SLC25A21: variants seen among roughly 807,000 people sequenced by gnomAD.
The protein encoded by SLC25A21 is mitochondrial 2-oxodicarboxylate carrier.
SLC25A21 carries 47 observed loss-of-function variants against 43.8 expected under a neutral mutation model. That is an observed-to-expected ratio of 1.07 (90% CI 0.85 to 1.37). The LOEUF (loss-of-function observed/expected upper bound fraction) is 1.37. Among genes scored for constraint, SLC25A21 ranks in the 40% most tolerant of loss-of-function variants. The probability of loss-of-function intolerance (pLI) is 0.00; values close to 1 mark genes in which losing one functional copy is unlikely to be tolerated. For synonymous variants in SLC25A21, 131 were observed against 121.3 expected (o/e 1.08, Z -0.52); for missense variants, 352 against 350.2 (o/e 1.00, Z -0.04).
At chr14:36,849,615 T>C (rs964178259) in intron 2 of SLC25A21, among the ~76,000 whole-genome samples, 7 of 152,192 alleles carry the variant, frequency 4.6e-5, no homozygotes, top group African/African-American at 1.7e-4. Flanking sequence ...AGACACAAAA[T>C]GCTTAGCTAA....
intron 1 of SLC25A21, among the ~76,000 whole-genome samples, chr14:37,123,052 C>T (rs561817033): frequency 2.0e-5 from 3 of 152,144 alleles, no homozygotes; most frequent in Admixed American, 6.6e-5. Flanking sequence ...CACAGATAAG[C>T]GGAAATTACT....
At position 37,000,831 on chromosome 14, in the gene SLC25A21, G is replaced by C. The variant is rs180685545; in HGVS notation, c.71-125827C>G. On this transcript the variant is annotated intron_variant, in intron 1 of 9. Coordinates refer to ENST00000331299, the MANE Select transcript of SLC25A21 (RefSeq NM_030631.4). ...CTCGCTCTCCCTGCTCCCATGTGAA[G>C]AAGGTGCTTGCTTCCCCTTTGCCAT... Among the ~76,000 whole-genome samples, 5 of 152,070 alleles carry C rather than the reference G, an allele frequency of 3.3e-5. No homozygotes were observed. The South Asian group carries it at 6.2e-4, about 19-fold the overall frequency.
At chr14:36,739,702 G>A (rs1402552852) in intron 3 of SLC25A21, among the ~76,000 whole-genome samples, 1 of 151,442 alleles carries the variant, frequency 6.6e-6, no homozygotes, top group African/African-American at 2.4e-5. Context: ...AAAAAAAAGA[G>A]GCACACCAGG....
intron 3 of SLC25A21, among the ~76,000 whole-genome samples, chr14:36,766,028 C>T (rs970444277): frequency 2.4e-5 from 3 of 122,962 alleles, no homozygotes; most frequent in Non-Finnish European, 5.1e-5. Context: ...AAGTCATTCC[C>T]TTCTTTTTTT....
At chr14:36,700,821 C>G (rs1883249397) in intron 7 of SLC25A21, among the ~76,000 whole-genome samples, 1 of 152,136 alleles carries the variant, frequency 6.6e-6, no homozygotes, top group Admixed American at 6.6e-5. Flanking sequence ...ACAAAGGAGG[C>G]AGATACACAC....
chr14:37,006,293 C>T lies in SLC25A21; in HGVS notation c.71-131289G>A, dbSNP rs574271302. Reference sequence around the variant, plus strand: ...ATTAATAATAGAATGGTCATTGGCACCCTTTTCTTAACTTTTTATAATATT... The same window carrying T: ...ATTAATAATAGAATGGTCATTGGCATCCTTTTCTTAACTTTTTATAATATT... On this transcript the variant is annotated intron_variant, in intron 1 of 9. Coordinates refer to ENST00000331299, the MANE Select transcript of SLC25A21 (RefSeq NM_030631.4). Among the ~76,000 whole-genome samples, 33 of 152,106 alleles carry T rather than the reference C, an allele frequency of 2.2e-4. No individual in the cohort carries two copies. The South Asian group carries it at 2.3e-3, about 11-fold the overall frequency.
chr14:36,883,443 T>C (rs1424323691), intron 1 of SLC25A21, among the ~76,000 whole-genome samples: 2 of 152,208 alleles, frequency 1.3e-5, no homozygotes, highest in Non-Finnish European at 2.9e-5. Flanking sequence ...GATAAATGTC[T>C]TCACGCTGCT....
At chr14:36,734,911 C>A (rs1321475053) in intron 3 of SLC25A21, among the ~76,000 whole-genome samples, 1 of 152,118 alleles carries the variant, frequency 6.6e-6, no homozygotes, top group East Asian at 1.9e-4. Context: ...TATCTACAGT[C>A]CTGCATTTCC....
chr14:36,941,306 G>A (rs1419077811), intron 1 of SLC25A21, among the ~76,000 whole-genome samples: 1 of 151,966 alleles, frequency 6.6e-6, no homozygotes, highest in Non-Finnish European at 1.5e-5. Flanking sequence ...AACATTTTGT[G>A]GCTTCCATCA....
chr14:36,711,485 G>A lies in SLC25A21; in HGVS notation c.439-3C>T, dbSNP rs752096486. 1 of 1,612,584 alleles carries A rather than the reference G, an allele frequency of 6.2e-7. No homozygotes were observed. The highest frequency in any genetic ancestry group is 8.5e-7 in the Non-Finnish European group (1 of 1,179,512). On this transcript the variant is annotated splice_region_variant and splice_polypyrimidine_tract_variant and intron_variant, in intron 6 of 9. Coordinates refer to ENST00000331299, the MANE Select transcript of SLC25A21 (RefSeq NM_030631.4). The stretch of plus-strand genomic sequence containing the variant: ...GCATAACCCACAGTGGATGGTTGCT[G>A]CAGAAGAGAGAAGCAAGGCCAGAAT...
chr14:37,042,072 C>T (rs1388985995), intron 1 of SLC25A21, among the ~76,000 whole-genome samples: 1 of 152,178 alleles, frequency 6.6e-6, no homozygotes, highest in Non-Finnish European at 1.5e-5. Context: ...TCAATGATCT[C>T]TCTCCCATAA....
intron 1 of SLC25A21, among the ~76,000 whole-genome samples, chr14:37,075,892 C>A (rs893626662): frequency 1.3e-5 from 2 of 152,174 alleles, no homozygotes; most frequent in African/African-American, 4.8e-5. Context: ...CTGAAAATAT[C>A]CTCCACAGGG....
In SLC25A21 at chr14:36,742,884, C is replaced by CGCT. The variant is rs138041482; in HGVS notation, c.204-8314_204-8312dup. On this transcript the variant is annotated intron_variant, in intron 3 of 9. Transcript: ENST00000331299. ...CCCAAACCATACCACTTTCATTATACGCTGTATGGAGGAATTCTTTCAAGT... is the reference window on the plus strand; with the variant it reads ...CCCAAACCATACCACTTTCATTATACGCTGCTGTATGGAGGAATTCTTTCAAGT... 8.6e-3 allele frequency among the ~76,000 whole-genome samples: 1,316 copies of CGCT among 152,222 alleles called. 19 individuals carry two copies. Among genetic ancestry groups the CGCT allele is most frequent in the African/African-American group, 0.03 (1,263 of 41,536 alleles).
intron 3 of SLC25A21, among the ~76,000 whole-genome samples, chr14:36,812,430 T>C (rs1334664869): frequency 6.6e-6 from 1 of 151,116 alleles, no homozygotes; most frequent in Non-Finnish European, 1.5e-5. Context: ...TACTTTACTG[T>C]ACCAATATAT....
chr14:36,694,686 T>A (rs1315901806), intron 7 of SLC25A21, among the ~76,000 whole-genome samples: 5 of 152,258 alleles, frequency 3.3e-5, no homozygotes. Flanking sequence ...TTTTCATGTA[T>A]CTGTTGGCTG....
intron 7 of SLC25A21, among the ~76,000 whole-genome samples, chr14:36,692,400 G>T (rs1882829570): frequency 1.3e-5 from 2 of 152,156 alleles, no homozygotes; most frequent in African/African-American, 2.4e-5. Context: ...TAACCATATA[G>T]TCCAAACTAT....
At chr14:36,979,331 G>GTT (rs372495518) in intron 1 of SLC25A21, among the ~76,000 whole-genome samples, 14 of 122,912 alleles carry the variant, frequency 1.1e-4, no homozygotes, top group African/African-American at 8.2e-4. Flanking sequence ...GTGTTTTTTT[G>GTT]GTTTTTTTTT....
chr14:36,845,220 T>G (rs1327014275), intron 2 of SLC25A21, among the ~76,000 whole-genome samples: 5 of 152,084 alleles, frequency 3.3e-5, no homozygotes, highest in Non-Finnish European at 7.3e-5. Context: ...CCTGGAAAAA[T>G]TCACCTCTCC....
intron 1 of SLC25A21, among the ~76,000 whole-genome samples, chr14:37,168,504 G>A (rs1325467222): frequency 6.6e-6 from 1 of 151,918 alleles, no homozygotes. Context: ...TAGTTTCTCT[G>A]GAAAATAATC....
Sources: allele counts gnomAD v4.1 joint callset (sites outside exome capture counted in the v4.1 genomes callset), GRCh38; gene constraint gnomAD v4.1.1; transcripts MANE v1.5; gene names NCBI Gene and HGNC (gene_info 2026-07-23, HGNC 2026-07-21).